CSMD1: variants seen among roughly 807,000 people sequenced by gnomAD.
CSMD1 encodes the protein CUB and sushi domain-containing protein 1.
CSMD1 carries 213 observed loss-of-function variants against 417.5 expected under a neutral mutation model. That is an observed-to-expected ratio of 0.51 (90% confidence interval 0.46 to 0.57). CSMD1 has a LOEUF of 0.57. Among genes scored for constraint, CSMD1 ranks in the 20% least tolerant of loss-of-function variants. The probability of loss-of-function intolerance (pLI) is 0.00; values close to 1 mark genes in which losing one functional copy is unlikely to be tolerated. For missense variants in CSMD1, 6,923 were observed against 4,529.7 expected, an observed-to-expected ratio of 1.53 and a Z score of -15.17; for synonymous variants, 2,862 against 1,736.8, an observed-to-expected ratio of 1.65 and a Z score of -16.11.
intron 2 of CSMD1, among the ~76,000 whole-genome samples, chr8:4,630,431 C>G (rs1043410446): frequency 1.3e-5 from 2 of 152,002 alleles, no homozygotes; most frequent in African/African-American, 4.8e-5. Flanking sequence ...TTCTCCTTCT[C>G]TCTAGACAAC....
intron 33 of CSMD1, among the ~76,000 whole-genome samples, chr8:3,199,226 G>T (rs1450923323): frequency 6.6e-6 from 1 of 152,018 alleles, no homozygotes; most frequent in East Asian, 1.9e-4. Flanking sequence ...AATAAAATAG[G>T]TATTTAGTTA....
At chr8:4,443,626 A>G (rs1054737566) in intron 2 of CSMD1, among the ~76,000 whole-genome samples, 1 of 152,242 alleles carries the variant, frequency 6.6e-6, no homozygotes, top group African/African-American at 2.4e-5. Context: ...CAAAGAATGT[A>G]CTGGAACAGC....
chr8:4,084,841 TGAA>T (rs1266137328), intron 3 of CSMD1, among the ~76,000 whole-genome samples: 1 of 151,632 alleles, frequency 6.6e-6, no homozygotes, highest in Non-Finnish European at 1.5e-5. Flanking sequence ...TGTTCCATCT[TGAA>T]GAAGAATGAC....
At chr8:4,287,677 TTATTATTAC>T (rs1471746204) in intron 3 of CSMD1, among the ~76,000 whole-genome samples, 1 of 149,494 alleles carries the variant, frequency 6.7e-6, no homozygotes, top group African/African-American at 2.5e-5. Flanking sequence ...ATTATTATTA[TTATTATTAC>T]TACTACTTTG....
intron 1 of CSMD1, among the ~76,000 whole-genome samples, chr8:4,834,689 G>A (rs189587041): frequency 3.0e-4 from 45 of 152,142 alleles, no homozygotes; most frequent in South Asian, 4.1e-4. Context: ...AGGTGCGGTG[G>A]CTCACTCCTG....
intron 26 of CSMD1, among the ~76,000 whole-genome samples, chr8:3,269,445 G>A (rs1267835195): frequency 2.0e-5 from 3 of 152,238 alleles, no homozygotes; most frequent in Admixed American, 6.5e-5. Flanking sequence ...TCTGCCATGG[G>A]CAGCACCAAA....
chr8:4,899,807 G>C (rs781354232), intron 1 of CSMD1, among the ~76,000 whole-genome samples: 6 of 152,090 alleles, frequency 3.9e-5, no homozygotes, highest in African/African-American at 1.2e-4. Flanking sequence ...AGAATATAGA[G>C]GGCCTCACAC....
At chr8:3,281,877 T>C (rs1802767547) in intron 26 of CSMD1, among the ~76,000 whole-genome samples, 1 of 152,018 alleles carries the variant, frequency 6.6e-6, no homozygotes, top group African/African-American at 2.4e-5. Flanking sequence ...TTTCTAATGG[T>C]TTAGTACCAT....
intron 25 of CSMD1, among the ~76,000 whole-genome samples, chr8:3,292,510 C>T (rs1041370812): frequency 2.0e-5 from 3 of 152,140 alleles, no homozygotes; most frequent in South Asian, 2.1e-4. Flanking sequence ...TCTGCGTGCT[C>T]CTGTATTGGG....
intron 3 of CSMD1, among the ~76,000 whole-genome samples, chr8:4,193,785 G>A (rs1012425740): frequency 6.6e-6 from 1 of 152,056 alleles, no homozygotes; most frequent in Admixed American, 6.5e-5. Flanking sequence ...GGACAGGGAT[G>A]ACATCGAAGG....
At chr8:3,254,893 G>A (rs1800536898) in intron 26 of CSMD1, among the ~76,000 whole-genome samples, 1 of 152,142 alleles carries the variant, frequency 6.6e-6, no homozygotes, top group Non-Finnish European at 1.5e-5. Flanking sequence ...TCTCCATCCA[G>A]CTTTGTTCCA....
At chr8:3,879,160 T>C (rs918619478) in intron 5 of CSMD1, among the ~76,000 whole-genome samples, 5 of 152,182 alleles carry the variant, frequency 3.3e-5, no homozygotes, top group African/African-American at 1.2e-4. Context: ...TATCAAAGCC[T>C]GGAGCAGGTG....
Position 2,955,768 on chromosome 8 carries a change from G to C in CSMD1, c.9815C>G (p.Pro3272Arg). ...GGTTTCTGGCTGTCTGCAGGCATGA[G>C]CTGAAACAACATTAGGAAACATTGA... ...TWSGIQTECI[P>R]HACRQPETPA... The change falls in exon 64 of 70, where the codon CCT becomes CGT. Residue 3272 changes from proline (P) to arginine (R), a missense_variant and splice_region_variant. Coordinates refer to ENST00000635120, the MANE Select transcript of CSMD1 (RefSeq NM_033225.6). The C allele has an allele frequency of 6.2e-7, 1 of 1,613,114 alleles. No individual in the cohort carries two copies. Among genetic ancestry groups the C allele is most frequent in the Non-Finnish European group, 8.5e-7 (1 of 1,179,428 alleles).
chr8:4,962,114 G>T (rs1031721434), intron 1 of CSMD1, among the ~76,000 whole-genome samples: 2 of 144,868 alleles, frequency 1.4e-5, no homozygotes, highest in African/African-American at 5.0e-5. Flanking sequence ...TTTTTTTGTT[G>T]TTTTTTTTTT....
At chr8:3,348,345 C>A (rs1042011142) in intron 21 of CSMD1, among the ~76,000 whole-genome samples, 184 bp from the exon 22 acceptor site, 1 of 152,042 alleles carries the variant, frequency 6.6e-6, no homozygotes, top group East Asian at 1.9e-4. Context: ...AAAAAAGATA[C>A]CCCACCTAGC....
intron 12 of CSMD1, among the ~76,000 whole-genome samples, chr8:3,442,248 A>C (rs1815033439): frequency 6.6e-6 from 1 of 152,180 alleles, no homozygotes; most frequent in Admixed American, 6.5e-5. Flanking sequence ...AGGTTAATTT[A>C]TTATTGAAGA....
intron 50 of CSMD1, 136 bp from the exon 51 acceptor site, chr8:3,029,649 A>C: frequency 1.4e-5 from 9 of 665,056 alleles, no homozygotes; most frequent in Non-Finnish European, 1.8e-5. Flanking sequence ...GTATTATCTC[A>C]GTGTTTCTCT....
At chr8:4,442,956 ACCACAGGTATCT>A (rs1798569009) in intron 2 of CSMD1, among the ~76,000 whole-genome samples, 1 of 152,196 alleles carries the variant, frequency 6.6e-6, no homozygotes, top group African/African-American at 2.4e-5. Context: ...TATCTACAGC[ACCACAGGTATCT>A]CCAAAATAGT....
intron 1 of CSMD1, among the ~76,000 whole-genome samples, chr8:4,976,496 G>GT (rs1563916297): frequency 6.6e-6 from 1 of 152,028 alleles, no homozygotes; most frequent in Non-Finnish European, 1.5e-5. Flanking sequence ...ATATTACGTT[G>GT]TTTTTTATCC....
Sources: allele counts gnomAD v4.1 joint callset (sites outside exome capture counted in the v4.1 genomes callset), GRCh38; gene constraint gnomAD v4.1.1; transcripts MANE v1.5; gene names NCBI Gene and HGNC (gene_info 2026-07-23, HGNC 2026-07-21).